The following XKR9 variants were observed in gnomAD, a reference collection of about 807,000 sequenced individuals.
XKR9 encodes the protein XK-related protein 9.
Under a neutral mutation model 32.0 loss-of-function variants are expected in XKR9, and 32 were observed. The ratio of observed to expected loss-of-function variants is 1.00; its 90% CI spans 0.76 to 1.34. The LOEUF (loss-of-function observed/expected upper bound fraction) is 1.34. Ranked by LOEUF, XKR9 falls within the 40% of genes most tolerant of loss-of-function variation. The probability of loss-of-function intolerance (pLI) is 0.00; values close to 1 mark genes in which losing one functional copy is unlikely to be tolerated. For synonymous variants in XKR9, 168 were observed against 143.4 expected (o/e 1.17, Z -1.22); for missense variants, 546 against 429.7 (o/e 1.27, Z -2.39).
At chr8:70,814,007 G>A in the XKR9 span, among the ~76,000 whole-genome samples, 1,253 of 152,136 alleles carry the variant, frequency 8.2e-3, 9 homozygotes, top group Non-Finnish European at 0.013. Flanking sequence ...TGTTTATTGC[G>A]GCATTATTCA....
chr8:71,061,332 T>G, the XKR9 span, among the ~76,000 whole-genome samples: 1 of 152,100 alleles, frequency 6.6e-6, no homozygotes, highest in Admixed American at 6.6e-5. Context: ...CTTCGGACAT[T>G]ACTTTAGACA....
At chr8:70,949,963 T>C in the XKR9 span, among the ~76,000 whole-genome samples, 1 of 152,220 alleles carries the variant, frequency 6.6e-6, no homozygotes, top group African/African-American at 2.4e-5. Context: ...TAAGTAGCAG[T>C]GCCTGCAAGG....
chr8:70,801,942 T>C, the XKR9 span, among the ~76,000 whole-genome samples: 6 of 151,244 alleles, frequency 4.0e-5, no homozygotes, highest in South Asian at 2.1e-4. Flanking sequence ...TTCTTTCTTT[T>C]TTTTTTTTTT....
At chr8:71,056,142 TGG>T in the XKR9 span, among the ~76,000 whole-genome samples, 1 of 152,206 alleles carries the variant, frequency 6.6e-6, no homozygotes, top group Non-Finnish European at 1.5e-5. Flanking sequence ...TTAGCCAATT[TGG>T]AAGATTTTAA....
chr8:70,680,400 A>G (rs904139822), intron 2 of XKR9, among the ~76,000 whole-genome samples: 3 of 152,176 alleles, frequency 2.0e-5, no homozygotes, highest in African/African-American at 7.2e-5. Flanking sequence ...GGCCAAAAGC[A>G]TATTAAGAAT....
intron 4 of XKR9, among the ~76,000 whole-genome samples, chr8:70,717,602 C>T (rs541166847): frequency 6.6e-6 from 1 of 152,256 alleles, no homozygotes; most frequent in East Asian, 1.9e-4. Flanking sequence ...CTGCATAGAG[C>T]AGGGGGCTCC....
At chr8:71,000,827 C>T in the XKR9 span, among the ~76,000 whole-genome samples, 3 of 152,226 alleles carry the variant, frequency 2.0e-5, no homozygotes, top group Non-Finnish European at 4.4e-5. Flanking sequence ...TAGATGGAGG[C>T]AGTGCCATTG....
chr8:70,970,860 C>T, the XKR9 span, among the ~76,000 whole-genome samples: 49 of 152,178 alleles, frequency 3.2e-4, no homozygotes, highest in African/African-American at 1.2e-3. Flanking sequence ...TTGGTAGGAG[C>T]GTAAATTAGT....
chr8:71,005,369 C>T, the XKR9 span, among the ~76,000 whole-genome samples: 1 of 151,542 alleles, frequency 6.6e-6, no homozygotes, highest in Non-Finnish European at 1.5e-5. Context: ...ATTGCAGGTG[C>T]CCACCACCAC....
the XKR9 span, among the ~76,000 whole-genome samples, chr8:71,027,139 A>G: frequency 6.6e-6 from 1 of 151,968 alleles, no homozygotes; most frequent in East Asian, 1.9e-4. Flanking sequence ...TTACCCTAAG[A>G]AATCTGTAAG....
downstream of XKR9, among the ~76,000 whole-genome samples, chr8:70,793,697 T>A (rs1586901120): frequency 6.6e-6 from 1 of 152,192 alleles, no homozygotes; most frequent in South Asian, 2.1e-4. Context: ...CTTACAATTA[T>A]AATCCACTAA....
the XKR9 span, among the ~76,000 whole-genome samples, chr8:71,059,204 A>G: frequency 9.2e-5 from 14 of 152,262 alleles, no homozygotes; most frequent in African/African-American, 3.1e-4. Flanking sequence ...TGGAGTGTCA[A>G]CCTTTGTTGA....
chr8:70,669,564 A>C (rs1818623823), intron 1 of XKR9, 26 bp downstream of exon 1: 2 of 196,824 alleles, frequency 1.0e-5, no homozygotes, highest in Non-Finnish European at 2.1e-5. Flanking sequence ...GTTATTCAGT[A>C]ATAAATGTCA....
At chr8:70,998,980 G>A in the XKR9 span, among the ~76,000 whole-genome samples, 9 of 152,064 alleles carry the variant, frequency 5.9e-5, no homozygotes, top group African/African-American at 1.7e-4. Flanking sequence ...TCAACCAACC[G>A]CAGATGAAAA....
chr8:70,733,779 A>T lies in XKR9; in HGVS notation c.494-17A>T, dbSNP rs1806751816. 3 of 1,509,796 alleles carry T rather than the reference A, an allele frequency of 2.0e-6. No homozygotes were observed. Among genetic ancestry groups the T allele is most frequent in the Non-Finnish European group, 2.6e-6 (3 of 1,132,834 alleles). 93.5% of individuals were successfully genotyped at this position (1,509,796 alleles called of 1,614,324 possible). ...TTATTCCTATAACAATATATTTTTT[A>T]TTTTTTTGTTTTGTAGATGCGGCCA... On this transcript the variant is annotated splice_polypyrimidine_tract_variant and intron_variant, in intron 4 of 4. Transcript: ENST00000408926.
chr8:70,950,783 G>T, the XKR9 span, among the ~76,000 whole-genome samples: 1 of 152,068 alleles, frequency 6.6e-6, no homozygotes, highest in South Asian at 2.1e-4. Context: ...AAGTGATTCT[G>T]CTGCCTCAGC....
chr8:70,884,586 A>T, the XKR9 span, among the ~76,000 whole-genome samples: 13 of 152,188 alleles, frequency 8.5e-5, no homozygotes, highest in South Asian at 6.2e-4. Flanking sequence ...TTATTTTTTT[A>T]AAAATTATTT....
chr8:70,702,960 T>A (rs1805590695), intron 3 of XKR9, among the ~76,000 whole-genome samples: 1 of 152,196 alleles, frequency 6.6e-6, no homozygotes, highest in Non-Finnish European at 1.5e-5. Flanking sequence ...CAGCCAACAC[T>A]CTCATTGTTT....
chr8:70,713,659 G>T (rs1463275001), intron 4 of XKR9, among the ~76,000 whole-genome samples: 2 of 136,760 alleles, frequency 1.5e-5, no homozygotes, highest in South Asian at 4.3e-4. Flanking sequence ...ATAACAAAAT[G>T]CTATGTGGTT....
Sources: gnomAD v4.1 joint callset for allele counts (sites outside exome capture counted in the v4.1 genomes callset) on GRCh38, gnomAD v4.1.1 for gene constraint, MANE v1.5 for transcripts, NCBI Gene and HGNC (gene_info 2026-07-23, HGNC 2026-07-21) for gene names.